Variants in HTT observed in about 807,000 individuals in gnomAD.
HTT encodes the protein huntington disease protein.
A neutral mutation model predicts 362.3 loss-of-function variants in HTT; 104 were observed. The ratio of observed to expected loss-of-function variants is 0.29; its 90% CI spans 0.24 to 0.34. The LOEUF (loss-of-function observed/expected upper bound fraction) is 0.34, where lower values mean the gene tolerates loss of function less well. HTT is among the 10% of genes least tolerant of loss of function. HTT has a pLI of 1.00. For missense variants in HTT, 3,301 were observed against 3,928.6 expected (o/e 0.84, Z 4.27); for synonymous variants, 1,577 against 1,548.7 (o/e 1.02, Z -0.43).
intron 5 of HTT, among the ~76,000 whole-genome samples, chr4:3,105,796 A>C (rs940877197): frequency 1.3e-5 from 2 of 152,172 alleles, no homozygotes. Context: ...TGAGGTACCA[A>C]TTTCATTATT....
At chr4:3,176,021 G>GTTTT (rs1560580460) in intron 33 of HTT, among the ~76,000 whole-genome samples, 13 of 132,828 alleles carry the variant, frequency 9.8e-5, no homozygotes, top group African/African-American at 4.0e-4. Context: ...TGTTGTTGTT[G>GTTTT]TTTGTTTTTT....
rs752111456 is a variant in HTT at position 3,125,604 on chromosome 4, G to A, written c.1377G>A (p.Ser459=). ...EALEDDSESR[S]DVSSSALTAS... Reference sequence around the variant, plus strand: ...TGGAGGATGACTCTGAATCGAGATCGGATGTCAGCAGCTCTGCCTTAACAG... The same window carrying A: ...TGGAGGATGACTCTGAATCGAGATCAGATGTCAGCAGCTCTGCCTTAACAG... The change falls in exon 11 of 67, where the codon TCG becomes TCA. Residue 459 remains serine (S), a synonymous_variant. Coordinates refer to ENST00000355072, the MANE Select transcript of HTT (RefSeq NM_001388492.1). 13 of 1,613,430 alleles carry A rather than the reference G, an allele frequency of 8.1e-6. No individual in the cohort carries two copies. In the East Asian group the frequency reaches 8.9e-5, roughly 11 times the overall value.
rs112743181 is a variant in HTT, at chr4:3,198,866, A to C, written c.5369-866A>C. On this transcript the variant is annotated intron_variant, in intron 40 of 66. Transcript: ENST00000355072. The stretch of plus-strand genomic sequence containing the variant: ...GGCCCAGGATGCTCCATGGCCGGGC[A>C]CAGAGGCCACTTGGCTGTCAGGTGT... 4.8e-3 allele frequency among the ~76,000 whole-genome samples: 736 copies of C among 152,342 alleles called. 5 individuals are homozygous for C. The highest frequency in any genetic ancestry group is 0.017 in the African/African-American group (690 of 41,582).
chr4:3,156,635 C>T (rs1368400260), intron 27 of HTT, among the ~76,000 whole-genome samples: 3 of 152,174 alleles, frequency 2.0e-5, no homozygotes, highest in Non-Finnish European at 2.9e-5. Flanking sequence ...TATTTAGTAT[C>T]GGTTTAATGA....
At chr4:3,101,714 T>TG (rs1056784401) in intron 3 of HTT, among the ~76,000 whole-genome samples, 1 of 152,220 alleles carries the variant, frequency 6.6e-6, no homozygotes, top group Non-Finnish European at 1.5e-5. Flanking sequence ...CCTGGCAGCA[T>TG]GCCTCCCTCA....
intron 24 of HTT, among the ~76,000 whole-genome samples, chr4:3,146,427 T>C (rs1716606802): frequency 1.3e-5 from 2 of 152,230 alleles, no homozygotes; most frequent in South Asian, 4.1e-4. Flanking sequence ...AATAAAGAGT[T>C]CACCCCAGCC....
At chr4:3,182,519 A>C in intron 37 of HTT, 49 bp downstream of exon 37, 1 of 1,205,254 alleles carries the variant, frequency 8.3e-7, no homozygotes, top group Non-Finnish European at 1.2e-6. Flanking sequence ...TGGTAGCTTA[A>C]GGTCCTTGTG....
chr4:3,190,114 TA>T (rs1289378880), intron 40 of HTT, among the ~76,000 whole-genome samples: 1 of 151,776 alleles, frequency 6.6e-6, no homozygotes, highest in Admixed American at 6.6e-5. Context: ...GAGGTCAAGG[TA>T]AAAGGATCAC....
At chr4:3,208,744 C>G (rs751342477) in intron 45 of HTT, 29 bp from the exon 46 acceptor site, 17 of 1,503,210 alleles carry the variant, frequency 1.1e-5, no homozygotes, top group Middle Eastern at 1.8e-4. Context: ...ACAAATTATA[C>G]TGTAATTTCA....
At position 3,222,560 on chromosome 4, in the gene HTT, A is replaced by G. The variant is rs535072750; in HGVS notation, c.7470+73A>G. Reference sequence around the variant, plus strand: ...TTGCAGGCCTTTGGTGGGGAATAAAATAAGGCAGCAAGCTGGTGTTCTTTT... The same window carrying G: ...TTGCAGGCCTTTGGTGGGGAATAAAGTAAGGCAGCAAGCTGGTGTTCTTTT... On this transcript the variant is annotated intron_variant, in intron 54 of 66. Transcript: ENST00000355072. 9.6e-5 allele frequency: 104 copies of G among 1,087,398 alleles called. 1 individual carries two copies. The South Asian group carries it at 1.3e-3, about 14-fold the overall frequency. 67.4% of individuals were successfully genotyped at this position (1,087,398 alleles called of 1,614,324 possible). A position where few individuals can be genotyped will look rare whatever the true frequency, so the allele number is the denominator to read the frequency against.
chr4:3,182,428 A>T lies in HTT; in HGVS notation c.4824A>T (p.Arg1608=). ...ENEDKWKRLS[R]QIADIILPML... Reference sequence around the variant, plus strand: ...AAGACAAGTGGAAGCGACTGTCTCGACAGATAGCTGACATCATCCTCCCAA... The same window carrying T: ...AAGACAAGTGGAAGCGACTGTCTCGTCAGATAGCTGACATCATCCTCCCAA... Residue 1608 remains arginine, a synonymous_variant, in exon 37 of 67, where the codon CGA becomes CGT. Coordinates refer to ENST00000355072, the MANE Select transcript of HTT (RefSeq NM_001388492.1). 5 of 1,614,104 alleles carry T rather than the reference A, an allele frequency of 3.1e-6. No individual in the cohort carries two copies. The highest frequency in any genetic ancestry group is 4.2e-6 in the Non-Finnish European group (5 of 1,179,914).
chr4:3,134,995 T>C (rs1220017929), intron 19 of HTT, among the ~76,000 whole-genome samples: 2 of 152,144 alleles, frequency 1.3e-5, no homozygotes, highest in Non-Finnish European at 2.9e-5. Context: ...GTGCTGGGAT[T>C]ACAGGCATGA....
chr4:3,208,321 T>C (rs1374806729), intron 45 of HTT, among the ~76,000 whole-genome samples: 2 of 152,254 alleles, frequency 1.3e-5, no homozygotes, highest in African/African-American at 4.8e-5. Context: ...ATTATAAATA[T>C]CTTGTGCCAG....
intron 60 of HTT, among the ~76,000 whole-genome samples, chr4:3,230,996 T>A (rs1721221325): frequency 1.3e-5 from 2 of 152,258 alleles, no homozygotes; most frequent in African/African-American, 2.4e-5. Context: ...GGTACCTGTA[T>A]TCTGTGGCAC....
chr4:3,190,132 C>G (rs1447435919), intron 40 of HTT, among the ~76,000 whole-genome samples: 2 of 152,044 alleles, frequency 1.3e-5, no homozygotes, highest in African/African-American at 4.8e-5. Context: ...TCACTTGAAG[C>G]CAGGAGCTTG....
chr4:3,204,194 A>G (rs1260458159), intron 42 of HTT, 46 bp downstream of exon 42: 3 of 1,606,298 alleles, frequency 1.9e-6, no homozygotes, highest in Admixed American at 1.7e-5. Flanking sequence ...GGTGGGGACC[A>G]GGAGAACATC....
At chr4:3,109,026 C>G (rs933926093) in intron 6 of HTT, among the ~76,000 whole-genome samples, 7 of 149,688 alleles carry the variant, frequency 4.7e-5, no homozygotes, top group Non-Finnish European at 8.9e-5. Flanking sequence ...CACACTCCAG[C>G]ATGGGTGGTA....
At chr4:3,153,281 TA>T (rs1158663993) in intron 26 of HTT, among the ~76,000 whole-genome samples, 2 of 152,142 alleles carry the variant, frequency 1.3e-5, no homozygotes, top group African/African-American at 2.4e-5. Context: ...CACCTCCTAA[TA>T]CCATCACCCT....
rs369885578 is a variant in HTT, at chr4:3,229,675, A to G, written c.8110-212A>G. 2.8e-4 allele frequency among the ~76,000 whole-genome samples: 42 copies of G among 151,998 alleles called. 1 individual carries two copies. Among genetic ancestry groups the G allele is most frequent in the African/African-American group, 9.9e-4 (41 of 41,422 alleles). ...CACACCACATACGCCACATGTACAC[A>G]CCATACACACACCATACATGCACCA... On this transcript the variant is annotated intron_variant, in intron 59 of 66. Coordinates refer to ENST00000355072, the MANE Select transcript of HTT (RefSeq NM_001388492.1).
Sources: allele counts gnomAD v4.1 joint callset (sites outside exome capture counted in the v4.1 genomes callset), GRCh38; gene constraint gnomAD v4.1.1; transcripts MANE v1.5; gene names NCBI Gene and HGNC (gene_info 2026-07-23, HGNC 2026-07-21).